NCAM1: variants seen among roughly 807,000 people sequenced by gnomAD.
The protein encoded by NCAM1 is neural cell adhesion molecule 1.
NCAM1 carries 14 observed loss-of-function variants against 109.8 expected under a neutral mutation model. The observed-to-expected ratio is 0.13, with a 90% CI of 0.08 to 0.20. The LOEUF (loss-of-function observed/expected upper bound fraction) is 0.20. Ranked by LOEUF, NCAM1 falls within the 10% of genes least tolerant of loss-of-function variation. The probability of loss-of-function intolerance (pLI) is 1.00; values close to 1 mark genes in which losing one functional copy is unlikely to be tolerated. For synonymous variants in NCAM1, 418 were observed against 442.9 expected, an observed-to-expected ratio of 0.94 and a Z score of 0.70; for missense variants, 774 against 1,109.9, an observed-to-expected ratio of 0.70 and a Z score of 4.30.
At chr11:113,263,976 A>C in intron 17 of NCAM1, 1 of 984,808 alleles carries the variant, frequency 1.0e-6, no homozygotes. Flanking sequence ...CATTTTCTAA[A>C]CTCTCCTGAA....
intron 1 of NCAM1, among the ~76,000 whole-genome samples, chr11:112,983,388 T>C (rs17114647): frequency 0.14 from 20,515 of 151,078 alleles, 1,427 homozygotes; most frequent in African/African-American, 0.15. Flanking sequence ...GAAAATGATT[T>C]TGAGAAATCA....
At chr11:113,026,793 C>T (rs539037835) in intron 1 of NCAM1, among the ~76,000 whole-genome samples, 3 of 152,170 alleles carry the variant, frequency 2.0e-5, no homozygotes, top group Non-Finnish European at 2.9e-5. Context: ...ATTTAACGTA[C>T]ATTATAGCCA....
rs537819067 is a variant in NCAM1 at position 113,022,255 on chromosome 11, T to C, written c.52+60591T>C. On this transcript the variant is annotated intron_variant, in intron 1 of 19. Transcript: ENST00000316851. ...CATGGTTTAGAGAGCCATACTTTTGTAGTTCTCAGAGATAAATGTTTTGCT... is the reference window on the plus strand; with the variant it reads ...CATGGTTTAGAGAGCCATACTTTTGCAGTTCTCAGAGATAAATGTTTTGCT... 2.2e-3 allele frequency among the ~76,000 whole-genome samples: 340 copies of C among 152,354 alleles called. 3 individuals carry two copies. The highest frequency in any genetic ancestry group is 7.9e-3 in the African/African-American group (330 of 41,578).
intron 1 of NCAM1, among the ~76,000 whole-genome samples, chr11:113,008,013 A>G (rs1951932651): frequency 6.6e-6 from 1 of 152,226 alleles, no homozygotes; most frequent in African/African-American, 2.4e-5. Context: ...TTGAAGTAAT[A>G]AGGCACCGTG....
At chr11:112,992,024 A>T (rs1951469829) in intron 1 of NCAM1, among the ~76,000 whole-genome samples, 1 of 152,068 alleles carries the variant, frequency 6.6e-6, no homozygotes, top group Non-Finnish European at 1.5e-5. Flanking sequence ...TTCTATTGTA[A>T]TTATGAATAT....
intron 1 of NCAM1, among the ~76,000 whole-genome samples, chr11:113,156,862 T>G (rs1322636452): frequency 2.0e-5 from 3 of 152,010 alleles, no homozygotes; most frequent in Admixed American, 2.0e-4. Flanking sequence ...TCTTCAACAT[T>G]CTTGTTAAAG....
chr11:113,240,642 TCA>T lies in NCAM1; in HGVS notation c.1825+5484_1825+5485del, dbSNP rs1415879823. The T allele has an allele frequency of 7.6e-5, 58 of 764,692 alleles. No individual in the cohort carries two copies. The Admixed American group carries it at 1.1e-3, about 15-fold the overall frequency. 47.4% of individuals were successfully genotyped at this position (764,692 alleles called of 1,614,324 possible). ...CCTCGCTAGTGCCCTGGCCAGCTGT[TCA>T]CACACGGTGTTGTTCTTCCCACTTT... is the stretch of plus-strand genomic sequence containing the variant. On this transcript the variant is annotated intron_variant, in intron 14 of 19. Transcript: ENST00000316851.
At chr11:113,049,377 G>T (rs1953386016) in intron 1 of NCAM1, among the ~76,000 whole-genome samples, 1 of 152,028 alleles carries the variant, frequency 6.6e-6, no homozygotes, top group Non-Finnish European at 1.5e-5. Context: ...CCTTTATTTA[G>T]AAATGCCTTT....
Position 113,154,489 on chromosome 11 carries a change from G to A in NCAM1, c.53-47890G>A, listed in dbSNP as rs1360928947. On this transcript the variant is annotated intron_variant, in intron 1 of 19. Coordinates refer to ENST00000316851, the MANE Select transcript of NCAM1 (RefSeq NM_181351.5). Reference sequence around the variant, plus strand: ...CCCTTTTTCTGAAATAGTAAAAGAAGCATGTGAAAGGGATTAAATGAGATA... The same window carrying A: ...CCCTTTTTCTGAAATAGTAAAAGAAACATGTGAAAGGGATTAAATGAGATA... Among the ~76,000 whole-genome samples, 9 of 152,262 alleles carry A rather than the reference G, an allele frequency of 5.9e-5. No individual in the cohort carries two copies. In the East Asian group the frequency reaches 9.7e-4, roughly 16 times the overall value.
At chr11:113,184,133 A>C (rs1943419245) in intron 1 of NCAM1, among the ~76,000 whole-genome samples, 1 of 152,226 alleles carries the variant, frequency 6.6e-6, no homozygotes, top group Admixed American at 6.5e-5. Flanking sequence ...GAGGAGGGGA[A>C]AAAATCAATC....
chr11:113,035,493 C>T (rs1387216926), intron 1 of NCAM1, among the ~76,000 whole-genome samples: 2 of 152,116 alleles, frequency 1.3e-5, no homozygotes, highest in Non-Finnish European at 2.9e-5. Context: ...GACCCCAAGA[C>T]ACGAAGGAGA....
rs546781690 is a variant in NCAM1, at chr11:113,042,117, C to A, written c.52+80453C>A. Among the ~76,000 whole-genome samples the A allele has an allele frequency of 2.0e-4, 30 of 152,280 alleles. No individual in the cohort carries two copies. In the South Asian group the frequency reaches 5.6e-3, roughly 28 times the overall value. ...CGCCCTGTGGCATTTGATGTTTTTT[C>A]TTCTCCAGCAGATCCCTGAGCCCAG... On this transcript the variant is annotated intron_variant, in intron 1 of 19. Transcript: ENST00000316851.
intron 1 of NCAM1, among the ~76,000 whole-genome samples, chr11:113,101,084 G>A (rs537923445): frequency 1.3e-5 from 2 of 152,214 alleles, no homozygotes; most frequent in Non-Finnish European, 2.9e-5. Flanking sequence ...TCCAGTTTAT[G>A]TTATGCCTGG....
intron 1 of NCAM1, among the ~76,000 whole-genome samples, chr11:113,195,495 A>ATTTTTTTTTTTTT (rs561856662): frequency 3.5e-5 from 3 of 85,584 alleles, no homozygotes; most frequent in Non-Finnish European, 4.1e-5. Flanking sequence ...CCCTTAGTAG[A>ATTTTTTTTTTTTT]TTTTTTTTTT....
At chr11:113,074,200 G>C (rs1555085731) in intron 1 of NCAM1, among the ~76,000 whole-genome samples, 12 of 152,182 alleles carry the variant, frequency 7.9e-5, no homozygotes. Context: ...AAATATGAGG[G>C]CATGTCGTGG....
chr11:113,239,275 C>T (rs1945258293), intron 14 of NCAM1, among the ~76,000 whole-genome samples: 1 of 152,178 alleles, frequency 6.6e-6, no homozygotes, highest in African/African-American at 2.4e-5. Context: ...CAAATGTCTG[C>T]ATGCCATCAA....
chr11:113,218,907 G>T (rs1484180512), intron 8 of NCAM1, among the ~76,000 whole-genome samples: 1 of 152,220 alleles, frequency 6.6e-6, no homozygotes, highest in Non-Finnish European at 1.5e-5. Flanking sequence ...CTGCTTCCAT[G>T]TTATTTCACT....
At chr11:113,014,232 T>C (rs991101147) in intron 1 of NCAM1, among the ~76,000 whole-genome samples, 1 of 152,096 alleles carries the variant, frequency 6.6e-6, no homozygotes, top group Admixed American at 6.5e-5. Context: ...CTGAAATAAA[T>C]AAAACAGAGC....
chr11:113,238,471 G>A (rs1207765469), intron 14 of NCAM1, among the ~76,000 whole-genome samples: 5 of 152,078 alleles, frequency 3.3e-5, no homozygotes, highest in African/African-American at 1.2e-4. Context: ...CTTAGCCCAC[G>A]GAGTATCCTG....
Sources: gnomAD v4.1 joint callset for allele counts (sites outside exome capture counted in the v4.1 genomes callset) on GRCh38, gnomAD v4.1.1 for gene constraint, MANE v1.5 for transcripts, NCBI Gene and HGNC (gene_info 2026-07-23, HGNC 2026-07-21) for gene names.